TMEM14C: variants seen among roughly 807,000 people sequenced by gnomAD.
The protein encoded by TMEM14C is chromosome 6 open reading frame 53.
TMEM14C carries 13 observed loss-of-function variants against 14.8 expected under a neutral mutation model. That is an observed-to-expected ratio of 0.88 (90% CI 0.57 to 1.40). TMEM14C has a LOEUF of 1.40. Ranked by LOEUF, TMEM14C falls within the 40% of genes most tolerant of loss-of-function variation. The probability of loss-of-function intolerance (pLI) is 0.00; values close to 1 mark genes in which losing one functional copy is unlikely to be tolerated. For synonymous variants in TMEM14C, 57 were observed against 51.3 expected, an observed-to-expected ratio of 1.11 and a Z score of -0.48; for missense variants, 142 against 138.8, an observed-to-expected ratio of 1.02 and a Z score of -0.12.
At position 10,730,778 on chromosome 6, in the gene TMEM14C, TA is replaced by T. The variant is rs540677149; in HGVS notation, c.*121del. The T allele has an allele frequency of 7.7e-4, 1,054 of 1,368,488 alleles. No homozygotes were observed. Among genetic ancestry groups the T allele is most frequent in the South Asian group, 1.9e-3 (112 of 57,886 alleles). 84.8% of individuals were successfully genotyped at this position (1,368,488 alleles called of 1,614,324 possible). ...GCATTTTTGCATCTGACATTTTACC[TA>T]AAAAAAAAGACACCAAACTTGGCAG... On this transcript the variant is annotated 3_prime_UTR_variant, in exon 6 of 6. Coordinates refer to ENST00000229563, the MANE Select transcript of TMEM14C (RefSeq NM_016462.4).
chr6:10,723,344 G>A (rs1184534799), intron 1 of TMEM14C, 103 bp downstream of exon 1: 5 of 152,234 alleles, frequency 3.3e-5, no homozygotes, highest in African/African-American at 1.2e-4. Flanking sequence ...CGATTCAGCG[G>A]GCCTTCAGGC....
Position 10,724,972 on chromosome 6 carries a change from A to G in TMEM14C, c.32A>G (p.His11Arg). MQDTGSVVPLHWFGFGYAALV... is the reference protein window; with the variant it reads MQDTGSVVPLRWFGFGYAALV... ...TCTTGTGTTTTCAGAGTGCCTTTGC[A>G]TTGGTTTGGCTTTGGCTACGCAGCA... The change falls in exon 3 of 6, where the codon CAT (histidine) becomes CGT (arginine). Residue 11 changes from histidine to arginine, a missense_variant. By Grantham distance (29) the His-to-Arg change is conservative (BLOSUM62 0). Transcript: ENST00000229563. 2 of 1,614,186 alleles carry G rather than the reference A, an allele frequency of 1.2e-6. No individual in the cohort carries two copies. Among genetic ancestry groups the G allele is most frequent in the Non-Finnish European group, 1.7e-6 (2 of 1,180,044 alleles).
intron 5 of TMEM14C, 130 bp from the exon 6 acceptor site, chr6:10,730,485 C>T: frequency 1.3e-6 from 1 of 777,076 alleles, no homozygotes. Flanking sequence ...GGAAATTTAC[C>T]CCTGACCACT....
At chr6:10,726,280 T>G (rs1770857161) in intron 4 of TMEM14C, among the ~76,000 whole-genome samples, 1 of 152,218 alleles carries the variant, frequency 6.6e-6, no homozygotes, top group Non-Finnish European at 1.5e-5. Context: ...CAGGCAAATG[T>G]ATCAACCGTT....
In TMEM14C at chr6:10,731,010, G is replaced by A; in HGVS notation, c.*344G>A. 1 of 1,003,260 alleles carries A rather than the reference G, an allele frequency of 1.0e-6. No individual in the cohort carries two copies. The highest frequency in any genetic ancestry group is 9.8e-5 in the East Asian group (1 of 10,234). The allele number at this position is 1,003,260 out of a possible 1,614,324, so 62.1% of individuals were successfully genotyped here. A position where few individuals can be genotyped will look rare whatever the true frequency, so the allele number is the denominator to read the frequency against. On this transcript the variant is annotated 3_prime_UTR_variant, in exon 6 of 6. Transcript: ENST00000229563. ...CATTCCCTGCTCTGAGGAACAGTGT[G>A]AAAAAAAGTCTTTTAGGAGATTTAC...
chr6:10,727,127 T>A lies in TMEM14C; in HGVS notation c.199+1119T>A, dbSNP rs189775627. ...TATTGTAGGGAAAAAACAGCAGCCA[T>A]CAGGTGGGGACTCCTGGAGCCTTTA... On this transcript the variant is annotated intron_variant, in intron 4 of 5. Coordinates refer to ENST00000229563, the MANE Select transcript of TMEM14C (RefSeq NM_016462.4). Among the ~76,000 whole-genome samples, 5 of 152,234 alleles carry A rather than the reference T, an allele frequency of 3.3e-5. No individual in the cohort carries two copies. The East Asian group carries it at 9.6e-4, about 29-fold the overall frequency.
intron 5 of TMEM14C, among the ~76,000 whole-genome samples, chr6:10,730,047 G>A (rs530773003): frequency 2.0e-5 from 3 of 152,268 alleles, no homozygotes; most frequent in African/African-American, 4.8e-5. Flanking sequence ...GCAGTGAGCC[G>A]AAATTGTGCT....
At chr6:10,725,597 G>T (rs1770833160) in intron 3 of TMEM14C, among the ~76,000 whole-genome samples, 1 of 152,106 alleles carries the variant, frequency 6.6e-6, no homozygotes, top group African/African-American at 2.4e-5. Context: ...GTCCTTCATG[G>T]TTGATCAGGC....
chr6:10,723,714 T>C (rs1254598191), intron 1 of TMEM14C, among the ~76,000 whole-genome samples: 4 of 149,860 alleles, frequency 2.7e-5, no homozygotes, highest in Admixed American at 1.4e-4. Context: ...ATCCTCCCAC[T>C]TCAGCCTCCC....
At chr6:10,729,135 TTTG>T (rs957926994) in intron 5 of TMEM14C, among the ~76,000 whole-genome samples, 7 of 152,296 alleles carry the variant, frequency 4.6e-5, no homozygotes, top group Admixed American at 6.5e-5. Context: ...TTTTCTATTT[TTTG>T]TTGTTGTTAT....
At chr6:10,728,980 A>G (rs1770952321) in intron 5 of TMEM14C, 2 of 767,788 alleles carry the variant, frequency 2.6e-6, no homozygotes, top group East Asian at 3.0e-5. Flanking sequence ...ACTCCTCCCT[A>G]TATGGTGGCA....
intron 4 of TMEM14C, 77 bp downstream of exon 4, chr6:10,726,085 G>A: frequency 6.6e-7 from 1 of 1,523,778 alleles, no homozygotes; most frequent in East Asian, 2.3e-5. Flanking sequence ...GGTTTGGTGG[G>A]ATGGGGTGAG....
chr6:10,725,757 G>C, intron 3 of TMEM14C, 150 bp from the exon 4 acceptor site: 1 of 895,160 alleles, frequency 1.1e-6, no homozygotes. Flanking sequence ...CACACTCTCT[G>C]TAACGTCTTC....
chr6:10,728,804 T>G, intron 5 of TMEM14C, 77 bp downstream of exon 5: 1 of 1,602,770 alleles, frequency 6.2e-7, no homozygotes, highest in Non-Finnish European at 8.5e-7. Context: ...ATTCAAAACC[T>G]TACTTGTTTC....
At chr6:10,726,455 G>A (rs1198343514) in intron 4 of TMEM14C, among the ~76,000 whole-genome samples, 16 of 152,170 alleles carry the variant, frequency 1.1e-4, no homozygotes, top group Admixed American at 1.0e-3. Context: ...ACTTTGGGAG[G>A]CCGAGGCAAG....
At chr6:10,724,001 C>T (rs1222686200) in intron 1 of TMEM14C, among the ~76,000 whole-genome samples, 1 of 152,078 alleles carries the variant, frequency 6.6e-6, no homozygotes, top group African/African-American at 2.4e-5. Context: ...GCTGTTTTTC[C>T]AAGGGTGTAG....
chr6:10,726,559 G>A (rs1237348481), intron 4 of TMEM14C, among the ~76,000 whole-genome samples: 3 of 152,112 alleles, frequency 2.0e-5, no homozygotes, highest in South Asian at 2.1e-4. Flanking sequence ...GGGTGGTGGC[G>A]GGTGCCTGTA....
chr6:10,731,025 A>G lies in TMEM14C; in HGVS notation c.*359A>G. ...GGAACAGTGTGAAAAAAAGTCTTTT[A>G]GGAGATTTACAATATCTGTTCTTTT... On this transcript the variant is annotated 3_prime_UTR_variant, in exon 6 of 6. Transcript: ENST00000229563. The G allele has an allele frequency of 1.0e-6, 1 of 995,902 alleles. No individual in the cohort carries two copies. 61.7% of individuals were successfully genotyped at this position (995,902 alleles called of 1,614,324 possible).
chr6:10,729,292 T>A (rs2327305), intron 5 of TMEM14C, among the ~76,000 whole-genome samples: 1 of 151,626 alleles, frequency 6.6e-6, no homozygotes, highest in East Asian at 2.0e-4. Flanking sequence ...TGCACCACCA[T>A]GCCCAGCTAT....
Sources: gnomAD v4.1 joint callset for allele counts (sites outside exome capture counted in the v4.1 genomes callset) on GRCh38, gnomAD v4.1.1 for gene constraint, MANE v1.5 for transcripts, NCBI Gene and HGNC (gene_info 2026-07-23, HGNC 2026-07-21) for gene names.